FSTL4: variants seen among roughly 807,000 people sequenced by gnomAD.
FSTL4 encodes follistatin like 4.
A neutral mutation model predicts 78.2 loss-of-function variants in FSTL4; 28 were observed. That is an observed-to-expected ratio of 0.36 (90% confidence interval 0.27 to 0.49). The LOEUF (loss-of-function observed/expected upper bound fraction) is 0.49. FSTL4 is among the 20% of genes least tolerant of loss of function. The pLI, the probability that FSTL4 is intolerant of heterozygous loss-of-function variation, is 0.98. For synonymous variants in FSTL4, 422 were observed against 440.5 expected (o/e 0.96, Z 0.53); for missense variants, 922 against 1,084.9 (o/e 0.85, Z 2.11).
the FSTL4 span, among the ~76,000 whole-genome samples, chr5:133,810,697 A>C: frequency 3.3e-5 from 5 of 152,196 alleles, no homozygotes; most frequent in African/African-American, 4.8e-5. Flanking sequence ...TCGTTGGACC[A>C]GGTGTGACGT....
chr5:133,608,163 C>T (rs1357456354), intron 1 of FSTL4, among the ~76,000 whole-genome samples: 5 of 152,286 alleles, frequency 3.3e-5, no homozygotes, highest in Admixed American at 2.0e-4. Context: ...AAACCTAGAG[C>T]TCCTTTTGAG....
At chr5:133,343,151 T>G (rs977715310) in intron 4 of FSTL4, among the ~76,000 whole-genome samples, 1 of 152,200 alleles carries the variant, frequency 6.6e-6, no homozygotes, top group African/African-American at 2.4e-5. Context: ...TGGAAAACTT[T>G]TTTATTTCAG....
At chr5:133,460,479 G>C (rs774163945) in intron 3 of FSTL4, among the ~76,000 whole-genome samples, 1 of 152,160 alleles carries the variant, frequency 6.6e-6, no homozygotes, top group Admixed American at 6.5e-5. Context: ...ATTGCTTCTC[G>C]CATGAACACA....
At chr5:133,590,059 T>C (rs897796076) in intron 2 of FSTL4, among the ~76,000 whole-genome samples, 4 of 151,978 alleles carry the variant, frequency 2.6e-5, no homozygotes, top group African/African-American at 9.7e-5. Flanking sequence ...AAGAAATTCA[T>C]ATTAGGAATG....
chr5:133,316,787 C>T (rs1013452224), intron 4 of FSTL4, 135 bp from the exon 5 acceptor site: 6 of 628,866 alleles, frequency 9.5e-6, no homozygotes, highest in Admixed American at 6.0e-5. Flanking sequence ...GTGCAACTGT[C>T]GTCGATGGGA....
chr5:133,747,919 G>T, the FSTL4 span, among the ~76,000 whole-genome samples: 1 of 152,152 alleles, frequency 6.6e-6, no homozygotes, highest in Non-Finnish European at 1.5e-5. Context: ...AACCCAGGCT[G>T]GGAACAGTGG....
the FSTL4 span, among the ~76,000 whole-genome samples, chr5:133,776,155 T>A: frequency 6.6e-6 from 1 of 152,164 alleles, no homozygotes; most frequent in Non-Finnish European, 1.5e-5. Flanking sequence ...TACCCTGCTC[T>A]GTGCTCTGGG....
Position 133,421,626 on chromosome 5 carries a change from G to A in FSTL4, c.161-20640C>T, listed in dbSNP as rs1342171888. ...TCCAGGAGGGGGAGCCATTTCCAAC[G>A]CCTTATGTGCTGTCTTCAGAAATGA... On this transcript the variant is annotated intron_variant, in intron 3 of 15. Transcript: ENST00000265342. Among the ~76,000 whole-genome samples, 5 of 152,238 alleles carry A rather than the reference G, an allele frequency of 3.3e-5. No homozygotes were observed. The East Asian group carries it at 9.6e-4, about 29-fold the overall frequency.
chr5:133,365,889 C>T (rs992390878), intron 4 of FSTL4, among the ~76,000 whole-genome samples: 1 of 152,208 alleles, frequency 6.6e-6, no homozygotes, highest in African/African-American at 2.4e-5. Context: ...CCTCCTGCAG[C>T]CTGCAAGCCT....
intron 3 of FSTL4, among the ~76,000 whole-genome samples, chr5:133,436,543 T>G (rs986524039): frequency 1.6e-4 from 24 of 152,098 alleles, no homozygotes; most frequent in African/African-American, 5.6e-4. Context: ...GAGAAGTTAT[T>G]AAACAGTTTT....
intron 14 of FSTL4, among the ~76,000 whole-genome samples, chr5:133,206,267 AAGTC>A (rs749760796): frequency 6.6e-5 from 10 of 152,094 alleles, no homozygotes; most frequent in Non-Finnish European, 1.0e-4. Flanking sequence ...CTCTTTTCAT[AAGTC>A]AGTCAGTTAA....
chr5:133,769,365 C>T, the FSTL4 span, among the ~76,000 whole-genome samples: 1 of 152,208 alleles, frequency 6.6e-6, no homozygotes, highest in Non-Finnish European at 1.5e-5. Context: ...GGCTCTGACA[C>T]TGGTAAATCT....
intron 3 of FSTL4, among the ~76,000 whole-genome samples, chr5:133,489,330 C>T (rs1485231279): frequency 6.6e-6 from 1 of 152,176 alleles, no homozygotes; most frequent in Non-Finnish European, 1.5e-5. Context: ...ACTCAGTCAG[C>T]TAAATAATGT....
At chr5:133,359,275 A>T (rs1377664280) in intron 4 of FSTL4, among the ~76,000 whole-genome samples, 2 of 152,208 alleles carry the variant, frequency 1.3e-5, no homozygotes, top group African/African-American at 2.4e-5. Flanking sequence ...AAGCTGCGTC[A>T]AAAGGCGCAT....
At chr5:133,333,005 GTC>G (rs372183397) in intron 4 of FSTL4, among the ~76,000 whole-genome samples, 2 of 151,124 alleles carry the variant, frequency 1.3e-5, no homozygotes, top group African/African-American at 4.9e-5. Flanking sequence ...CTCTCTCTCT[GTC>G]TCTCTCTCTC....
the FSTL4 span, among the ~76,000 whole-genome samples, chr5:133,702,685 C>T: frequency 1.3e-5 from 2 of 152,148 alleles, no homozygotes; most frequent in Non-Finnish European, 2.9e-5. Context: ...GTTAATTAGC[C>T]TTATTCTAGA....
intron 3 of FSTL4, among the ~76,000 whole-genome samples, chr5:133,487,017 C>T (rs1210635474): frequency 6.6e-6 from 1 of 152,150 alleles, no homozygotes; most frequent in East Asian, 1.9e-4. Flanking sequence ...CAGCACACAG[C>T]TTTGCCATGG....
At chr5:133,682,436 T>C in the FSTL4 span, among the ~76,000 whole-genome samples, 1 of 152,194 alleles carries the variant, frequency 6.6e-6, no homozygotes, top group South Asian at 2.1e-4. Flanking sequence ...AAAGCCCCCA[T>C]GTGTAACCCA....
At chr5:133,788,359 G>A in the FSTL4 span, among the ~76,000 whole-genome samples, 1 of 152,202 alleles carries the variant, frequency 6.6e-6, no homozygotes, top group Non-Finnish European at 1.5e-5. Context: ...CTCAGCAGCC[G>A]GTTGCTAGGA....
Sources: allele counts gnomAD v4.1 joint callset (sites outside exome capture counted in the v4.1 genomes callset), GRCh38; gene constraint gnomAD v4.1.1; transcripts MANE v1.5; gene names NCBI Gene and HGNC (gene_info 2026-07-23, HGNC 2026-07-21).